Variants in ERO1A observed in about 807,000 individuals in gnomAD.
ERO1A encodes endoplasmic reticulum oxidoreductase 1 alpha.
In ERO1A, 49 loss-of-function variants were observed where a neutral mutation model predicts 76.9. That is an observed-to-expected ratio of 0.64 (90% CI 0.51 to 0.81). The LOEUF is 0.81. Ranked by LOEUF, ERO1A falls within the 30% of genes least tolerant of loss-of-function variation. The pLI, the probability that ERO1A is intolerant of heterozygous loss-of-function variation, is 0.00. For synonymous variants in ERO1A, 174 were observed against 181.2 expected (o/e 0.96, Z 0.32); for missense variants, 448 against 542.1 (o/e 0.83, Z 1.72).
intron 3 of ERO1A, among the ~76,000 whole-genome samples, chr14:52,681,738 C>T (rs1275816053): frequency 2.0e-5 from 3 of 152,030 alleles, no homozygotes; most frequent in Non-Finnish European, 4.4e-5. Context: ...TCCAAAAATT[C>T]CTAAGTAAAA....
At position 52,646,064 on chromosome 14, in the gene ERO1A, G is replaced by A. The variant is rs1244723644; in HGVS notation, c.1346+90C>T. 8.2e-6 allele frequency: 11 copies of A among 1,348,180 alleles called. No individual in the cohort carries two copies. The African/African-American group carries it at 1.5e-4, about 18-fold the overall frequency. The allele number at this position is 1,348,180 out of a possible 1,614,324, so 83.5% of individuals were successfully genotyped here. A position where few individuals can be genotyped will look rare whatever the true frequency, so the allele number is the denominator to read the frequency against. ...AATAAATAAACAAATAAAATAAAAAGGATATTCCTTACCCAGTTTTTTCTG... is the reference window on the plus strand; with the variant it reads ...AATAAATAAACAAATAAAATAAAAAAGATATTCCTTACCCAGTTTTTTCTG... On this transcript the variant is annotated intron_variant, in intron 15 of 15. Coordinates refer to ENST00000395686, the MANE Select transcript of ERO1A (RefSeq NM_014584.3).
chr14:52,664,160 C>T (rs979613516), intron 7 of ERO1A: 14 of 174,312 alleles, frequency 8.0e-5, no homozygotes, highest in African/African-American at 2.4e-5. Flanking sequence ...ATTATATATA[C>T]ATATCTATGT....
intron 6 of ERO1A, among the ~76,000 whole-genome samples, chr14:52,671,053 A>T (rs917688764): frequency 2.6e-5 from 4 of 152,144 alleles, no homozygotes; most frequent in African/African-American, 9.7e-5. Flanking sequence ...TGTCTCCATG[A>T]ATTTGCCCAT....
intron 4 of ERO1A, among the ~76,000 whole-genome samples, chr14:52,677,677 G>A (rs2040837966): frequency 6.6e-6 from 1 of 151,158 alleles, no homozygotes; most frequent in Non-Finnish European, 1.5e-5. Context: ...TGGGCAACAT[G>A]GCAAGACTCT....
intron 1 of ERO1A, among the ~76,000 whole-genome samples, chr14:52,689,456 A>G (rs2041284750): frequency 6.6e-6 from 1 of 152,228 alleles, no homozygotes; most frequent in South Asian, 2.1e-4. Flanking sequence ...ATACAAAATC[A>G]ACATACAAAA....
intron 3 of ERO1A, among the ~76,000 whole-genome samples, chr14:52,680,884 A>G (rs928686725): frequency 6.6e-6 from 1 of 152,230 alleles, no homozygotes; most frequent in Admixed American, 6.5e-5. Flanking sequence ...CACATGCTAG[A>G]TAAGTCTGTG....
At chr14:52,682,541 G>C in intron 2 of ERO1A, 133 bp from the exon 3 acceptor site, 1 of 634,042 alleles carries the variant, frequency 1.6e-6, no homozygotes, top group South Asian at 2.2e-5. Context: ...CCTATCTGTT[G>C]CCAGTTTATA....
intron 13 of ERO1A, among the ~76,000 whole-genome samples, chr14:52,649,985 G>A (rs967751526): frequency 2.0e-5 from 3 of 152,104 alleles, no homozygotes; most frequent in African/African-American, 7.2e-5. Context: ...CGGAGGCCAA[G>A]ACAGGCAGAT....
In ERO1A at chr14:52,678,407, G is replaced by T. The variant is rs763943377; in HGVS notation, c.357+27C>A. 3 of 1,599,076 alleles carry T rather than the reference G, an allele frequency of 1.9e-6. No individual in the cohort carries two copies. The African/African-American group carries it at 4.0e-5, about 21-fold the overall frequency. ...TTTCAAGTTTTTCATTAAGATACTG[G>T]ACACATCAATAGGTATACGTACACA... On this transcript the variant is annotated intron_variant, in intron 4 of 15. Coordinates refer to ENST00000395686, the MANE Select transcript of ERO1A (RefSeq NM_014584.3).
intron 11 of ERO1A, among the ~76,000 whole-genome samples, chr14:52,654,696 T>C (rs2039985902): frequency 6.6e-6 from 1 of 152,340 alleles, no homozygotes; most frequent in Middle Eastern, 3.4e-3. Flanking sequence ...AGATAACATT[T>C]TTCCATGCTG....
At chr14:52,651,929 C>A (rs1052040984) in intron 13 of ERO1A, among the ~76,000 whole-genome samples, 3 of 151,812 alleles carry the variant, frequency 2.0e-5, no homozygotes, top group Non-Finnish European at 2.9e-5. Context: ...GGATCAACAT[C>A]TCCGTTTTCC....
intron 3 of ERO1A, among the ~76,000 whole-genome samples, chr14:52,679,150 C>T (rs1030802537): frequency 5.9e-5 from 9 of 152,066 alleles, no homozygotes; most frequent in African/African-American, 2.2e-4. Flanking sequence ...ATGCTTCTTC[C>T]CCCTGCAGAA....
At chr14:52,645,209 C>T (rs1175278045) in intron 15 of ERO1A, among the ~76,000 whole-genome samples, 7 of 151,108 alleles carry the variant, frequency 4.6e-5, no homozygotes, top group South Asian at 2.1e-4. Flanking sequence ...AAAAAAACTG[C>T]TTTTAAGCAA....
intron 9 of ERO1A, among the ~76,000 whole-genome samples, chr14:52,660,805 A>G (rs1356977524): frequency 6.6e-6 from 1 of 152,248 alleles, no homozygotes; most frequent in Non-Finnish European, 1.5e-5. Flanking sequence ...TCACCCTTAA[A>G]GCAAAAACAC....
chr14:52,665,296 C>CAAAA (rs34009141), intron 7 of ERO1A, among the ~76,000 whole-genome samples: 1 of 90,434 alleles, frequency 1.1e-5, no homozygotes, highest in Admixed American at 1.2e-4. Context: ...GACTTCATCT[C>CAAAA]AAAAAAAAAA....
chr14:52,653,864 C>A (rs564215216), intron 11 of ERO1A, among the ~76,000 whole-genome samples: 14 of 152,102 alleles, frequency 9.2e-5, no homozygotes, highest in Non-Finnish European at 1.8e-4. Context: ...TGTGGTCTCT[C>A]TGCCTGCAAA....
rs766647039 is a variant in ERO1A at position 52,642,710 on chromosome 14, G to C, written c.*860C>G. ...GAACAATTAGTGAATCTGGGTAAGA[G>C]AGCTCTTTGTACTATTTTTGAAACT... On this transcript the variant is annotated 3_prime_UTR_variant, in exon 16 of 16. Coordinates refer to ENST00000395686, the MANE Select transcript of ERO1A (RefSeq NM_014584.3). 2 of 152,464 alleles carry C rather than the reference G, an allele frequency of 1.3e-5. No homozygotes were observed. The highest frequency in any genetic ancestry group is 6.5e-5 in the Admixed American group (1 of 15,268). 9.4% of individuals were successfully genotyped at this position (152,464 alleles called of 1,614,324 possible). A position where few individuals can be genotyped will look rare whatever the true frequency, so the allele number is the denominator to read the frequency against.
rs369212913 is a variant in ERO1A, at chr14:52,653,116, C to T, written c.1008G>A (p.Gln336=). 8.1e-6 allele frequency: 13 copies of T among 1,598,918 alleles called. No homozygotes were observed. The highest frequency in any genetic ancestry group is 1.7e-5 in the Admixed American group (1 of 59,910). The change falls in exon 12 of 16, where the codon CAG becomes CAA. Residue 336 remains glutamine (Q), a synonymous_variant. Transcript: ENST00000395686. ...GAAGTAACATTTTGTTTTCCTCATC[C>T]TGAATTTTATTTCCAGTAAAGAGTT... ...DFQLFTGNKI[Q]DEENKMLLLE...
rs147317600 is a variant in ERO1A at position 52,674,341 on chromosome 14, C to G, written c.358-2470G>C. On this transcript the variant is annotated intron_variant, in intron 4 of 15. Transcript: ENST00000395686. ...CTGAGGAGCTAGGACTATGGGCATGCACCACCACACTTGGCTAATTTTTTT... is the reference window on the plus strand; with the variant it reads ...CTGAGGAGCTAGGACTATGGGCATGGACCACCACACTTGGCTAATTTTTTT... 7.0e-3 allele frequency among the ~76,000 whole-genome samples: 1,061 copies of G among 152,226 alleles called. 5 individuals are homozygous for G. The highest frequency in any genetic ancestry group is 0.01 in the Non-Finnish European group (690 of 68,002).
Sources: gnomAD v4.1 joint callset for allele counts (sites outside exome capture counted in the v4.1 genomes callset) on GRCh38, gnomAD v4.1.1 for gene constraint, MANE v1.5 for transcripts, NCBI Gene and HGNC (gene_info 2026-07-23, HGNC 2026-07-21) for gene names.